Variants in WDR49 observed in about 807,000 individuals in gnomAD.
WDR49 encodes cilia- and flagella-associated protein 337.
WDR49 carries 107 observed loss-of-function variants against 119.5 expected under a neutral mutation model. That is an observed-to-expected ratio of 0.90 (90% confidence interval 0.77 to 1.05). The LOEUF (loss-of-function observed/expected upper bound fraction) is 1.05, where lower values mean the gene tolerates loss of function less well. Among genes scored for constraint, WDR49 ranks in the 50% least tolerant of loss-of-function variants. The pLI, the probability that WDR49 is intolerant of heterozygous loss-of-function variation, is 0.00. For missense variants in WDR49, 1,240 were observed against 1,220.5 expected (o/e 1.02, Z -0.24); for synonymous variants, 425 against 418.8 (o/e 1.01, Z -0.18).
At chr3:167,533,223 G>T (rs562061572) in intron 11 of WDR49, among the ~76,000 whole-genome samples, 5 of 152,104 alleles carry the variant, frequency 3.3e-5, no homozygotes, top group Middle Eastern at 3.4e-3. Context: ...TTTATTTTAT[G>T]GTAATAAAGC....
rs1244668457 is a variant in WDR49 at position 167,602,233 on chromosome 3, T to C, written c.1169A>G (p.Tyr390Cys). Residue 390 changes from tyrosine (Y) to cysteine (C), a missense_variant, in exon 7 of 19, where the codon TAT (tyrosine) becomes TGT (cysteine). Transcript: ENST00000682715. Reference sequence around the variant, plus strand: ...GACACCCACTGGTTTAGAGACAACATAGGGATTCCAAAGGCAAACTTTATT... The same window carrying C: ...GACACCCACTGGTTTAGAGACAACACAGGGATTCCAAAGGCAAACTTTATT... ...INNKVCLWNP[Y>C]VVSKPVGVLW... is the part of the protein sequence containing the mutation. 6.9e-6 allele frequency: 11 copies of C among 1,597,062 alleles called. No individual in the cohort carries two copies. Among genetic ancestry groups the C allele is most frequent in the South Asian group, 1.1e-5 (1 of 89,312 alleles).
intron 5 of WDR49, 34 bp from the exon 6 acceptor site, chr3:167,604,502 T>C (rs1314143053): frequency 5.2e-6 from 8 of 1,532,830 alleles, no homozygotes; most frequent in Non-Finnish European, 7.0e-6. Context: ...AAACAATCTT[T>C]AGTTGATTCT....
At chr3:167,592,412 C>T (rs1441266712) in intron 7 of WDR49, among the ~76,000 whole-genome samples, 5 of 150,440 alleles carry the variant, frequency 3.3e-5, no homozygotes, top group Non-Finnish European at 5.9e-5. Context: ...AGTTTTGTAC[C>T]GTTAGATGAT....
chr3:167,643,073 C>A (rs1717958117), intron 2 of WDR49, among the ~76,000 whole-genome samples: 1 of 151,926 alleles, frequency 6.6e-6, no homozygotes, highest in Non-Finnish European at 1.5e-5. Flanking sequence ...TTTCAACCAC[C>A]AGTAGAGTCA....
chr3:167,629,158 A>T (rs900181283), intron 2 of WDR49, among the ~76,000 whole-genome samples: 3 of 152,054 alleles, frequency 2.0e-5, no homozygotes, highest in African/African-American at 4.8e-5. Context: ...AAGCTGAGGT[A>T]GGGGTGTCAC....
At chr3:167,629,504 G>T (rs1402698148) in intron 2 of WDR49, among the ~76,000 whole-genome samples, 4 of 152,170 alleles carry the variant, frequency 2.6e-5, no homozygotes, top group Non-Finnish European at 5.9e-5. Flanking sequence ...TGTACATACT[G>T]CAGCCCATAG....
chr3:167,505,297 G>A lies in WDR49; in HGVS notation c.2884+10C>T, dbSNP rs761128527. ...ATTATAAAAATACATTAACAACAGT[G>A]ACTACTTACTGAATGATTTTTTTAT... On this transcript the variant is annotated intron_variant, in intron 17 of 18. Transcript: ENST00000682715. 40 of 1,484,122 alleles carry A rather than the reference G, an allele frequency of 2.7e-5. No homozygotes were observed. The highest frequency in any genetic ancestry group is 3.6e-5 in the Non-Finnish European group (40 of 1,123,760). The allele number at this position is 1,484,122 out of a possible 1,614,324, so 91.9% of individuals were successfully genotyped here.
At chr3:167,545,637 T>A (rs1434375044) in intron 10 of WDR49, among the ~76,000 whole-genome samples, 1 of 149,964 alleles carries the variant, frequency 6.7e-6, no homozygotes, top group Non-Finnish European at 1.5e-5. Flanking sequence ...TTGTATGTTC[T>A]CACTTATAAG....
intron 2 of WDR49, among the ~76,000 whole-genome samples, chr3:167,634,736 G>A (rs899804265): frequency 6.6e-6 from 1 of 151,740 alleles, no homozygotes; most frequent in Non-Finnish European, 1.5e-5. Context: ...GAGATCGTGT[G>A]CCATTGGCAA....
At chr3:167,518,414 A>G (rs536171439) in intron 16 of WDR49, among the ~76,000 whole-genome samples, 8 of 152,176 alleles carry the variant, frequency 5.3e-5, no homozygotes, top group Non-Finnish European at 1.0e-4. Context: ...TGACTTTTTA[A>G]TGATTGCCAT....
In WDR49 at chr3:167,478,880, A is replaced by G. The variant is rs371672430; in HGVS notation, c.3148T>C (p.Ter1050GlnextTer?). 7.5e-6 allele frequency: 12 copies of G among 1,595,000 alleles called. No homozygotes were observed. The highest frequency in any genetic ancestry group is 1.0e-5 in the Non-Finnish European group (12 of 1,170,446). ...KSCEVKKNKK* is the reference protein window; with the variant it reads ...KSCEVKKNKKQ ...CAGTGAAGGTTTTTCTGTTGTAATT[A>G]CTTCTTATTTTTCTTCACTTCACAA... Residue 1050 changes from the stop codon to glutamine (Q), a stop_lost, in exon 19 of 19, where the codon TAA becomes CAA. Coordinates refer to ENST00000682715, the MANE Select transcript of WDR49 (RefSeq NM_001366157.1).
chr3:167,576,736 G>A lies in WDR49; in HGVS notation c.1276-585C>T, dbSNP rs539314643. 8.5e-5 allele frequency among the ~76,000 whole-genome samples: 13 copies of A among 152,272 alleles called. No homozygotes were observed. In the East Asian group the frequency reaches 2.5e-3, roughly 29 times the overall value. ...CCCCCAGAGCCACCAGAAAGGATGA[G>A]ACTCATGTCAAATTCCAACCTACAG... On this transcript the variant is annotated intron_variant, in intron 7 of 18. Coordinates refer to ENST00000682715, the MANE Select transcript of WDR49 (RefSeq NM_001366157.1).
chr3:167,644,519 T>C (rs1442039733), intron 2 of WDR49, among the ~76,000 whole-genome samples: 1 of 152,174 alleles, frequency 6.6e-6, no homozygotes, highest in African/African-American at 2.4e-5. Flanking sequence ...TAAGTCTTCC[T>C]TATTCTTTTT....
chr3:167,481,957 G>A (rs1467703112), intron 18 of WDR49, among the ~76,000 whole-genome samples: 1 of 152,048 alleles, frequency 6.6e-6, no homozygotes, highest in Non-Finnish European at 1.5e-5. Context: ...GAAAACCAAA[G>A]TATAACAAAT....
chr3:167,509,370 G>C (rs375501415), intron 16 of WDR49, among the ~76,000 whole-genome samples: 3 of 152,096 alleles, frequency 2.0e-5, no homozygotes, highest in Non-Finnish European at 2.9e-5. Context: ...CAAAAAGGCT[G>C]GGATGTGTTT....
intron 8 of WDR49, chr3:167,566,934 G>C (rs915449974): frequency 3.1e-6 from 2 of 635,042 alleles, no homozygotes; most frequent in East Asian, 5.7e-5. Context: ...TTACTGTCTC[G>C]GGGTGACAGA....
intron 8 of WDR49, chr3:167,566,927 C>T: frequency 1.5e-6 from 1 of 651,896 alleles, no homozygotes; most frequent in Non-Finnish European, 2.8e-6. Flanking sequence ...GTTGGACTTA[C>T]TGTCTCGGGG....
intron 7 of WDR49, among the ~76,000 whole-genome samples, chr3:167,595,365 C>A (rs1463825265): frequency 2.6e-5 from 4 of 152,090 alleles, no homozygotes; most frequent in Admixed American, 1.3e-4. Flanking sequence ...TTGGAAAAAA[C>A]TACTTTAAAG....
chr3:167,567,329 G>C (rs374819937), intron 8 of WDR49, among the ~76,000 whole-genome samples: 2 of 152,148 alleles, frequency 1.3e-5, no homozygotes, highest in African/African-American at 4.8e-5. Context: ...CTGATTTAGT[G>C]TTTATCACAT....
Sources: gnomAD v4.1 joint callset for allele counts (sites outside exome capture counted in the v4.1 genomes callset) on GRCh38, gnomAD v4.1.1 for gene constraint, MANE v1.5 for transcripts, NCBI Gene and HGNC (gene_info 2026-07-23, HGNC 2026-07-21) for gene names.